The following C1orf141 variants were observed in gnomAD, a reference collection of about 807,000 sequenced individuals.
The protein encoded by C1orf141 is chromosome 1 open reading frame 141.
A neutral mutation model predicts 23.2 loss-of-function variants in C1orf141; 19 were observed. The ratio of observed to expected loss-of-function variants is 0.82; its 90% CI spans 0.57 to 1.20. The LOEUF (loss-of-function observed/expected upper bound fraction) is 1.20, where lower values mean the gene tolerates loss of function less well. C1orf141 is among the 50% of genes most tolerant of loss of function. C1orf141 has a pLI of 0.00. For synonymous variants in C1orf141, 153 were observed against 154.6 expected (o/e 0.99, Z 0.08); for missense variants, 469 against 455.1 (o/e 1.03, Z -0.28).
intron 3 of C1orf141, 111 bp from the exon 4 acceptor site, chr1:67,126,020 A>ACACACAC: frequency 8.5e-7 from 1 of 1,174,614 alleles, no homozygotes; most frequent in Non-Finnish European, 1.2e-6. Flanking sequence ...ACACACACAG[A>ACACACAC]ATTTAGGTGG....
intron 4 of C1orf141, among the ~76,000 whole-genome samples, chr1:67,115,807 G>T (rs560401724): frequency 6.6e-6 from 1 of 152,246 alleles, no homozygotes; most frequent in South Asian, 2.1e-4. Context: ...GAATCAAAGT[G>T]GTGGGACATA....
intron 5 of C1orf141, among the ~76,000 whole-genome samples, chr1:67,097,709 G>C (rs1325369854): frequency 6.6e-6 from 1 of 151,072 alleles, no homozygotes; most frequent in Non-Finnish European, 1.5e-5. Flanking sequence ...GGTCTGTGGG[G>C]AGAAGGGGGA....
At chr1:67,095,637 C>G (rs1645661475) in intron 6 of C1orf141, 1 of 399,634 alleles carries the variant, frequency 2.5e-6, no homozygotes, top group African/African-American at 2.1e-5. Context: ...ATATATGCCT[C>G]TTTGGATTTT....
chr1:67,093,424 A>T lies in C1orf141; in HGVS notation c.784T>A (p.Ser262Thr). ...EILKSIIGNQ[S>T]ISLFKPQKTM... ...TTTTGGGGTTTGAAAAGAGAAATAG[A>T]TTGATTGCCAATTATAGATTTGAGG... Residue 262 changes from serine (S) to threonine (T), a missense_variant, in exon 8 of 8, where the codon TCT (serine) becomes ACT (threonine). Physicochemically the swap from Ser to Thr is moderately conservative, Grantham distance 58. This residue lies in a region of C1orf141 where 370 missense variants were observed against 348.1 expected (regional missense o/e 1.06). Coordinates refer to ENST00000684719, the MANE Select transcript of C1orf141 (RefSeq NM_001276351.2). 1 of 1,611,688 alleles carries T rather than the reference A, an allele frequency of 6.2e-7. No individual in the cohort carries two copies. The highest frequency in any genetic ancestry group is 1.1e-5 in the South Asian group (1 of 90,770).
chr1:67,100,593 G>A (rs2102424733), intron 5 of C1orf141, among the ~76,000 whole-genome samples: 1 of 152,178 alleles, frequency 6.6e-6, no homozygotes. Context: ...CTGCCAAAAT[G>A]TGACCATCAG....
chr1:67,118,419 A>C (rs1221761821), intron 4 of C1orf141, among the ~76,000 whole-genome samples: 3 of 152,198 alleles, frequency 2.0e-5, no homozygotes, highest in Non-Finnish European at 2.9e-5. Flanking sequence ...GGGAGTTCCC[A>C]AAGAATCACT....
chr1:67,123,595 G>A (rs1023083525), intron 4 of C1orf141: 1 of 152,204 alleles, frequency 6.6e-6, no homozygotes. Flanking sequence ...CTTCTAGGCT[G>A]ACAGGGACCT....
At chr1:67,132,861 T>C (rs1399837746) in intron 1 of C1orf141, among the ~76,000 whole-genome samples, 1 of 152,256 alleles carries the variant, frequency 6.6e-6, no homozygotes, top group East Asian at 1.9e-4. Flanking sequence ...ATGTTCTTAA[T>C]TTCTAGCACA....
At chr1:67,101,724 A>G (rs1645805390) in intron 5 of C1orf141, among the ~76,000 whole-genome samples, 1 of 152,232 alleles carries the variant, frequency 6.6e-6, no homozygotes, top group East Asian at 1.9e-4. Context: ...CATTTTGGCC[A>G]GGATGAACTG....
At chr1:67,115,829 T>C (rs1646183204) in intron 4 of C1orf141, among the ~76,000 whole-genome samples, 2 of 152,174 alleles carry the variant, frequency 1.3e-5, no homozygotes, top group Non-Finnish European at 1.5e-5. Context: ...AGTTAGGGAA[T>C]TCAGGTACTA....
At chr1:67,115,307 C>T (rs745970799) in intron 5 of C1orf141, 45 bp downstream of exon 5, 3 of 718,726 alleles carry the variant, frequency 4.2e-6, no homozygotes, top group South Asian at 3.3e-5. Flanking sequence ...AAATAAAGCA[C>T]CCATTAATAA....
intron 5 of C1orf141, among the ~76,000 whole-genome samples, chr1:67,110,050 T>C (rs573614363): frequency 6.6e-6 from 1 of 152,278 alleles, no homozygotes; most frequent in African/African-American, 2.4e-5. Flanking sequence ...TGATTATTTA[T>C]AAATAATAAT....
In C1orf141 at chr1:67,125,758, G is replaced by T; in HGVS notation, c.227C>A (p.Ser76Ter). 2 of 1,613,466 alleles carry T rather than the reference G, an allele frequency of 1.2e-6. No homozygotes were observed. Among genetic ancestry groups the T allele is most frequent in the South Asian group, 1.1e-5 (1 of 91,032 alleles). Residue 76 changes from serine (S) to a stop codon, truncating the protein, a stop_gained, in exon 4 of 8, where the codon TCA (serine) becomes TAA (stop). Transcript: ENST00000684719. LOFTEE classifies it high-confidence loss of function. Reference sequence around the variant, plus strand: ...AGGTGGTTATGATAGTTACATTTTTGATTTTGTAATGCTGCATGACTTGTC... The same window carrying T: ...AGGTGGTTATGATAGTTACATTTTTTATTTTGTAATGCTGCATGACTTGTC... ...KEDKSCSITKSKMHVSFKCEP... is the reference protein window; with the variant it reads ...KEDKSCSITK
At chr1:67,098,262 T>G (rs1382601487) in intron 5 of C1orf141, among the ~76,000 whole-genome samples, 1 of 152,194 alleles carries the variant, frequency 6.6e-6, no homozygotes, top group Non-Finnish European at 1.5e-5. Flanking sequence ...GGCTCACACC[T>G]ATAATCCCAG....
intron 2 of C1orf141, among the ~76,000 whole-genome samples, chr1:67,129,273 T>C (rs749764228): frequency 6.6e-6 from 1 of 151,278 alleles, no homozygotes; most frequent in African/African-American, 2.4e-5. Context: ...CTGGGCAACA[T>C]AGCAAGACCT....
At chr1:67,099,251 T>C (rs1324983284) in intron 5 of C1orf141, among the ~76,000 whole-genome samples, 2 of 152,158 alleles carry the variant, frequency 1.3e-5, no homozygotes, top group Non-Finnish European at 2.9e-5. Flanking sequence ...GGAATGACAA[T>C]TGGACCATGA....
At chr1:67,112,455 A>G (rs1034585330) in intron 5 of C1orf141, among the ~76,000 whole-genome samples, 1 of 152,168 alleles carries the variant, frequency 6.6e-6, no homozygotes, top group Admixed American at 6.6e-5. Flanking sequence ...TAACCCCAGC[A>G]CTTTGGGAGG....
At chr1:67,128,342 C>T (rs1040921357) in intron 2 of C1orf141, among the ~76,000 whole-genome samples, 2 of 151,654 alleles carry the variant, frequency 1.3e-5, no homozygotes, top group East Asian at 3.9e-4. Flanking sequence ...GGAATATCAA[C>T]CCAAAGCTCC....
At chr1:67,135,555 A>G (rs1040850637), upstream of C1orf141, among the ~76,000 whole-genome samples, 13 of 152,164 alleles carry the variant, frequency 8.5e-5, no homozygotes, top group African/African-American at 2.9e-4. Flanking sequence ...ATACACTGAC[A>G]TACATTCTGC....
Sources: gnomAD v4.1 joint callset for allele counts (sites outside exome capture counted in the v4.1 genomes callset) on GRCh38, gnomAD v4.1.1 for gene constraint, gnomAD v4.1.1 regional missense constraint, MANE v1.5 for transcripts, NCBI Gene and HGNC (gene_info 2026-07-23, HGNC 2026-07-21) for gene names.